The following PLCE1 variants were observed in gnomAD, a reference collection of about 807,000 sequenced individuals.
The protein encoded by PLCE1 is phospholipase C epsilon 1.
In PLCE1, 119 loss-of-function variants were observed where a neutral mutation model predicts 242.8. That is an observed-to-expected ratio of 0.49 (90% CI 0.42 to 0.57). The LOEUF is 0.57. Ranked by LOEUF, PLCE1 falls within the 20% of genes least tolerant of loss-of-function variation. The pLI is 0.00. For synonymous variants in PLCE1, 945 were observed against 1,017.4 expected, an observed-to-expected ratio of 0.93 and a Z score of 1.35; for missense variants, 2,441 against 2,788.8, an observed-to-expected ratio of 0.88 and a Z score of 2.81.
At chr10:94,087,861 A>G (rs2044894789) in intron 2 of PLCE1, among the ~76,000 whole-genome samples, 1 of 152,182 alleles carries the variant, frequency 6.6e-6, no homozygotes, top group African/African-American at 2.4e-5. Context: ...ACTTACCCCT[A>G]CATTTGGAGG....
intron 3 of PLCE1, among the ~76,000 whole-genome samples, chr10:94,147,863 C>T (rs1273865605): frequency 1.3e-5 from 2 of 152,184 alleles, no homozygotes; most frequent in Admixed American, 1.3e-4. Flanking sequence ...GCCTGCCACC[C>T]CTGTTCTAGC....
intron 23 of PLCE1, among the ~76,000 whole-genome samples, chr10:94,297,223 G>A (rs959550159): frequency 6.6e-5 from 10 of 152,126 alleles, no homozygotes; most frequent in Admixed American, 5.9e-4. Context: ...TGAACATTTA[G>A]AGGCCAATGT....
At chr10:94,264,256 C>T (rs1021414122) in intron 14 of PLCE1, among the ~76,000 whole-genome samples, 4 of 152,034 alleles carry the variant, frequency 2.6e-5, no homozygotes, top group East Asian at 1.9e-4. Context: ...TTGATGGTCT[C>T]GGGAAAGAGC....
In PLCE1 at chr10:94,242,457, C is replaced by A. The variant is rs184161196; in HGVS notation, c.2421-3489C>A. On this transcript the variant is annotated intron_variant, in intron 7 of 32. Transcript: ENST00000371380. ...TCCCAGGTAGCTGGGACTACAGGTG[C>A]CTGCCACCACGCCCAGCTAATTTTT... is the stretch of plus-strand genomic sequence containing the variant. 3.4e-4 allele frequency among the ~76,000 whole-genome samples: 52 copies of A among 152,198 alleles called. No individual in the cohort carries two copies. The South Asian group carries it at 0.011, about 31-fold the overall frequency.
In PLCE1 at chr10:94,246,393, G is replaced by A. The variant is rs751684041; in HGVS notation, c.2868G>A (p.Val956=). Residue 956 remains valine (V), a synonymous_variant, in exon 8 of 33, where the codon GTG becomes GTA. Coordinates refer to ENST00000371380, the MANE Select transcript of PLCE1 (RefSeq NM_016341.4). ...MGHPGIDIHT[V]CVQNKLGSMF... ...ACCCTGGCATTGATATACACACTGT[G>A]TGTGTTCAGAACAAACTGGGTAGCA... 2 of 1,614,200 alleles carry A rather than the reference G, an allele frequency of 1.2e-6. No homozygotes were observed. The highest frequency in any genetic ancestry group is 2.2e-5 in the South Asian group (2 of 91,086).
chr10:94,029,333 C>G (rs1356137903), intron 1 of PLCE1, among the ~76,000 whole-genome samples: 2 of 152,030 alleles, frequency 1.3e-5, no homozygotes, highest in Non-Finnish European at 2.9e-5. Context: ...CTAAAATTAT[C>G]TATATAATCT....
At chr10:94,108,625 A>G (rs1312929602) in intron 2 of PLCE1, 1 of 152,136 alleles carries the variant, frequency 6.6e-6, no homozygotes, top group African/African-American at 2.4e-5. Flanking sequence ...TAGTTGGGTC[A>G]TTTTTATACC....
chr10:94,074,151 T>C (rs1255094326), intron 2 of PLCE1, among the ~76,000 whole-genome samples: 2 of 151,678 alleles, frequency 1.3e-5, no homozygotes, highest in African/African-American at 4.8e-5. Context: ...AGACAGGGCC[T>C]AAAATTTTTT....
intron 8 of PLCE1, among the ~76,000 whole-genome samples, chr10:94,248,398 C>T (rs1271387380): frequency 1.3e-5 from 2 of 152,078 alleles, no homozygotes; most frequent in African/African-American, 2.4e-5. Flanking sequence ...GTCAGGAGTT[C>T]GAGACCAGCC....
intron 1 of PLCE1, among the ~76,000 whole-genome samples, chr10:94,002,928 A>G (rs911108268): frequency 4.6e-5 from 7 of 152,258 alleles, no homozygotes; most frequent in Non-Finnish European, 1.0e-4. Flanking sequence ...ATGATTAAGT[A>G]TAGAGTTTAT....
chr10:94,080,382 C>T (rs2044621615), intron 2 of PLCE1, among the ~76,000 whole-genome samples: 1 of 152,196 alleles, frequency 6.6e-6, no homozygotes, highest in Admixed American at 6.5e-5. Flanking sequence ...TAGACCACCA[C>T]ACCCCTTCTC....
intron 28 of PLCE1, among the ~76,000 whole-genome samples, chr10:94,314,561 T>C (rs1160889269): frequency 6.6e-6 from 1 of 151,966 alleles, no homozygotes; most frequent in Non-Finnish European, 1.5e-5. Flanking sequence ...ACCATGGCAC[T>C]CCAGCCTGGG....
chr10:94,281,963 CG>C (rs888511570), intron 20 of PLCE1, among the ~76,000 whole-genome samples: 26 of 151,728 alleles, frequency 1.7e-4, no homozygotes, highest in Admixed American at 2.6e-4. Flanking sequence ...TGGGAAGCAC[CG>C]TTACCAGCCT....
chr10:94,159,949 C>T (rs2047555523), intron 3 of PLCE1, among the ~76,000 whole-genome samples: 1 of 152,166 alleles, frequency 6.6e-6, no homozygotes, highest in Non-Finnish European at 1.5e-5. Flanking sequence ...AACATGAACT[C>T]ATCATTTTTT....
chr10:94,296,282 C>T (rs1159008367), intron 23 of PLCE1, among the ~76,000 whole-genome samples: 2 of 149,830 alleles, frequency 1.3e-5, no homozygotes, highest in South Asian at 2.1e-4. Flanking sequence ...AGGAGAATGG[C>T]GTGAACCCGG....
At chr10:94,175,725 A>T (rs1192486464) in intron 4 of PLCE1, among the ~76,000 whole-genome samples, 6 of 151,882 alleles carry the variant, frequency 4.0e-5, no homozygotes, top group Non-Finnish European at 8.8e-5. Flanking sequence ...CCCCTCTACT[A>T]CCTTTCTCAC....
intron 2 of PLCE1, among the ~76,000 whole-genome samples, chr10:94,064,209 G>C: frequency 6.6e-6 from 1 of 152,176 alleles, no homozygotes; most frequent in East Asian, 1.9e-4. Context: ...ACAATGGTGA[G>C]TTTGGAAACA....
intron 3 of PLCE1, among the ~76,000 whole-genome samples, chr10:94,132,722 G>A (rs891595112): frequency 1.3e-5 from 2 of 151,470 alleles, no homozygotes; most frequent in Non-Finnish European, 2.9e-5. Flanking sequence ...AGGCCAAGGC[G>A]GGCGGATCAC....
At chr10:94,098,730 T>C (rs1485781116) in intron 2 of PLCE1, among the ~76,000 whole-genome samples, 1 of 152,232 alleles carries the variant, frequency 6.6e-6, no homozygotes, top group Non-Finnish European at 1.5e-5. Flanking sequence ...TGTACGACAT[T>C]CAGCTTTCTT....
Sources: allele counts gnomAD v4.1 joint callset (sites outside exome capture counted in the v4.1 genomes callset), GRCh38; gene constraint gnomAD v4.1.1; transcripts MANE v1.5; gene names NCBI Gene and HGNC (gene_info 2026-07-23, HGNC 2026-07-21).